The following PRKG2 variants were observed in gnomAD, a reference collection of about 807,000 sequenced individuals.
PRKG2 encodes cGMP-dependent protein kinase 2.
In PRKG2, 33 loss-of-function variants were observed where a neutral mutation model predicts 97.2. The observed-to-expected ratio is 0.34, with a 90% CI of 0.26 to 0.45. The LOEUF is 0.45. PRKG2 is among the 20% of genes least tolerant of loss of function. The probability of loss-of-function intolerance (pLI) is 1.00; values close to 1 mark genes in which losing one functional copy is unlikely to be tolerated. For synonymous variants in PRKG2, 330 were observed against 321.8 expected (o/e 1.03, Z -0.27); for missense variants, 638 against 900.0 (o/e 0.71, Z 3.73).
At position 81,204,742 on chromosome 4, in the gene PRKG2, A is replaced by G. The variant is rs1753540263; in HGVS notation, c.306T>C (p.Pro102=). 1.2e-6 allele frequency: 2 copies of G among 1,614,138 alleles called. No individual in the cohort carries two copies. The highest frequency in any genetic ancestry group is 1.7e-6 in the Non-Finnish European group (2 of 1,180,016). The change falls in exon 2 of 19, where the codon CCT becomes CCC. Residue 102 remains proline, a synonymous_variant. Transcript: ENST00000264399. ...CAGAGGTCTTCCGGTGGACCTCAAG[A>G]GGCACTTTATCTGGAGAGGCCTGAA... ...SPLQASPDKV[P]LEVHRKTSGL...
intron 6 of PRKG2, among the ~76,000 whole-genome samples, chr4:81,160,793 G>A (rs1435479093): frequency 6.6e-6 from 1 of 151,866 alleles, no homozygotes; most frequent in East Asian, 1.9e-4. Flanking sequence ...ATATTTATGT[G>A]ATTAGAAAAT....
rs79176354 is a variant in PRKG2 at position 81,147,869 on chromosome 4, A to C, written c.1154+1015T>G. ...TGTAATACTTAGCTTTTAGAAATGC[A>C]ACTAAAATGTATAGATAAAATAATT... On this transcript the variant is annotated intron_variant, in intron 9 of 18. Transcript: ENST00000264399. Among the ~76,000 whole-genome samples, 1,281 of 152,296 alleles carry C rather than the reference A, an allele frequency of 8.4e-3. 18 individuals are homozygous for C. The highest frequency in any genetic ancestry group is 0.029 in the African/African-American group (1,202 of 41,568).
chr4:81,182,991 C>T (rs1334423672), intron 2 of PRKG2, among the ~76,000 whole-genome samples: 3 of 151,864 alleles, frequency 2.0e-5, no homozygotes, highest in African/African-American at 7.3e-5. Flanking sequence ...CCAATCAATG[C>T]TCTAAATTTA....
At chr4:81,167,252 T>C (rs1750065195) in intron 5 of PRKG2, 28 bp from the exon 6 acceptor site, 3 of 1,429,786 alleles carry the variant, frequency 2.1e-6, no homozygotes, top group Non-Finnish European at 2.9e-6. Flanking sequence ...AACCTTCAAT[T>C]ACCTTCCTGA....
At chr4:81,166,020 G>A (rs772742781) in intron 6 of PRKG2, among the ~76,000 whole-genome samples, 2 of 151,968 alleles carry the variant, frequency 1.3e-5, no homozygotes, top group Admixed American at 6.6e-5. Context: ...CTGTGACTGG[G>A]TTATGTTACA....
intron 2 of PRKG2, among the ~76,000 whole-genome samples, chr4:81,187,786 T>C (rs996335069): frequency 2.6e-5 from 4 of 152,146 alleles, no homozygotes; most frequent in African/African-American, 9.7e-5. Flanking sequence ...CCTAAATCAA[T>C]GTGCAAAAAT....
intron 2 of PRKG2, among the ~76,000 whole-genome samples, chr4:81,190,456 G>C (rs150899623): frequency 6.6e-6 from 1 of 152,130 alleles, no homozygotes; most frequent in Non-Finnish European, 1.5e-5. Flanking sequence ...ATGCATTAAA[G>C]ACTTAAATAT....
chr4:81,193,712 C>T (rs532627028), intron 2 of PRKG2, among the ~76,000 whole-genome samples: 3 of 152,020 alleles, frequency 2.0e-5, no homozygotes, highest in East Asian at 1.9e-4. Context: ...TGGTGGTGGG[C>T]GCCCGTAATC....
At chr4:81,113,479 G>A (rs775651597) in intron 14 of PRKG2, among the ~76,000 whole-genome samples, 7 of 151,940 alleles carry the variant, frequency 4.6e-5, no homozygotes, top group Non-Finnish European at 7.4e-5. Context: ...TAACGATGGC[G>A]TACATCATGC....
At chr4:81,183,125 G>T (rs12332035) in intron 2 of PRKG2, among the ~76,000 whole-genome samples, 33,592 of 152,000 alleles carry the variant, frequency 0.22, 6,966 homozygotes, top group African/African-American at 0.53. Flanking sequence ...CAAAAATTAT[G>T]ATGAATGAAA....
In PRKG2 at chr4:81,103,228, T is replaced by C. The variant is rs1742984221; in HGVS notation, c.2126+1142A>G. On this transcript the variant is annotated intron_variant, in intron 17 of 18. Transcript: ENST00000264399. The stretch of plus-strand genomic sequence containing the variant: ...ACAACGTGCAGGTGTGTTACGTATC[T>C]ATACATGTGCCATGTTGGTGTGCTG... 2.6e-5 allele frequency among the ~76,000 whole-genome samples: 4 copies of C among 152,230 alleles called. No homozygotes were observed. The South Asian group carries it at 8.3e-4, about 32-fold the overall frequency.
rs1578422962 is a variant in PRKG2 at position 81,149,138 on chromosome 4, T to C, written c.1086-186A>G. 2.0e-5 allele frequency among the ~76,000 whole-genome samples: 3 copies of C among 152,020 alleles called. No homozygotes were observed. In the East Asian group the frequency reaches 5.8e-4, roughly 29 times the overall value. ...GATTTGAAATGTGCCCCAGTAGAGG[T>C]TATGTACACAAAGAATTCAGAGGAG... On this transcript the variant is annotated intron_variant, in intron 8 of 18. Transcript: ENST00000264399.
At chr4:81,153,921 G>A (rs539771372) in intron 6 of PRKG2, among the ~76,000 whole-genome samples, 200 bp from the exon 7 acceptor site, 3 of 152,154 alleles carry the variant, frequency 2.0e-5, no homozygotes, top group Non-Finnish European at 4.4e-5. Context: ...CACCGTGCGC[G>A]AGCCGAAGCA....
chr4:81,115,109 G>T (rs1744382022), intron 14 of PRKG2, among the ~76,000 whole-genome samples: 1 of 151,930 alleles, frequency 6.6e-6, no homozygotes, highest in South Asian at 2.1e-4. Flanking sequence ...TCATTTTCTA[G>T]GTTACGCAGT....
intron 14 of PRKG2, among the ~76,000 whole-genome samples, chr4:81,122,417 C>G (rs1745149031): frequency 6.6e-6 from 1 of 152,108 alleles, no homozygotes; most frequent in Admixed American, 6.5e-5. Flanking sequence ...CTGATAAAAA[C>G]AGCTCGAACC....
At chr4:81,175,237 G>T (rs1341652426) in intron 2 of PRKG2, among the ~76,000 whole-genome samples, 2 of 152,026 alleles carry the variant, frequency 1.3e-5, no homozygotes, top group East Asian at 3.9e-4. Flanking sequence ...CATTTCTCAA[G>T]ATCCATAGAT....
intron 1 of PRKG2, among the ~76,000 whole-genome samples, chr4:81,214,695 C>G (rs528702894): frequency 6.6e-6 from 1 of 152,312 alleles, no homozygotes; most frequent in Admixed American, 6.5e-5. Context: ...TCAACAGAAC[C>G]TCTAAACACA....
intron 17 of PRKG2, among the ~76,000 whole-genome samples, chr4:81,098,341 T>C (rs1440466883): frequency 2.0e-5 from 3 of 148,658 alleles, no homozygotes; most frequent in African/African-American, 7.7e-5. Context: ...CTCCCTTTTA[T>C]ATATCTATTC....
intron 13 of PRKG2, among the ~76,000 whole-genome samples, chr4:81,135,656 T>C (rs1232096863): frequency 6.6e-6 from 1 of 152,204 alleles, no homozygotes; most frequent in African/African-American, 2.4e-5. Context: ...AACCAGACTT[T>C]TGCAACTTAT....
Sources: allele counts gnomAD v4.1 joint callset (sites outside exome capture counted in the v4.1 genomes callset), GRCh38; gene constraint gnomAD v4.1.1; transcripts MANE v1.5; gene names NCBI Gene and HGNC (gene_info 2026-07-23, HGNC 2026-07-21).